MEMO1: variants seen among roughly 807,000 people sequenced by gnomAD.
MEMO1 encodes mediator of cell motility 1.
In MEMO1, 6 loss-of-function variants were observed where a neutral mutation model predicts 45.2. The ratio of observed to expected loss-of-function variants is 0.13; its 90% CI spans 0.07 to 0.26. The LOEUF (loss-of-function observed/expected upper bound fraction) is 0.26. Among genes scored for constraint, MEMO1 ranks in the 10% least tolerant of loss-of-function variants. The pLI is 1.00. For synonymous variants in MEMO1, 78 were observed against 124.3 expected (o/e 0.63, Z 2.48); for missense variants, 184 against 370.5 (o/e 0.50, Z 4.13).
chr2:32,004,284 T>A, intron 2 of MEMO1, among the ~76,000 whole-genome samples: 1 of 148,568 alleles, frequency 6.7e-6, no homozygotes, highest in Admixed American at 6.7e-5. Flanking sequence ...AACAAAGAAA[T>A]GTAGCCAGAA....
intron 2 of MEMO1, among the ~76,000 whole-genome samples, chr2:31,985,092 T>C (rs1273204033): frequency 6.6e-6 from 1 of 152,170 alleles, no homozygotes; most frequent in Non-Finnish European, 1.5e-5. Flanking sequence ...AAATCTGAGG[T>C]CATTTAAAGA....
chr2:31,932,587 T>G (rs910392628), intron 3 of MEMO1, among the ~76,000 whole-genome samples: 1 of 152,128 alleles, frequency 6.6e-6, no homozygotes, highest in Admixed American at 6.6e-5. Context: ...CATAGGCGCA[T>G]GCCACCATTA....
intron 2 of MEMO1, among the ~76,000 whole-genome samples, chr2:32,002,178 T>TACACAC (rs1376853287): frequency 4.7e-5 from 6 of 127,792 alleles, no homozygotes; most frequent in South Asian, 2.5e-4. Context: ...AATATATATA[T>TACACAC]ATATATATAC....
chr2:31,873,484 A>C (rs1351319173), intron 8 of MEMO1, among the ~76,000 whole-genome samples: 1 of 152,180 alleles, frequency 6.6e-6, no homozygotes, highest in Non-Finnish European at 1.5e-5. Flanking sequence ...AGGCAGTATT[A>C]ACTGACAAAG....
At chr2:31,961,512 C>T (rs1228502663) in intron 2 of MEMO1, among the ~76,000 whole-genome samples, 1 of 152,000 alleles carries the variant, frequency 6.6e-6, no homozygotes, top group Admixed American at 6.6e-5. Context: ...CCTATAATCC[C>T]AGCACTTTGG....
In MEMO1 at chr2:31,925,948, T is replaced by C. The variant is rs576889388; in HGVS notation, c.213-5038A>G. Among the ~76,000 whole-genome samples the C allele has an allele frequency of 5.3e-5, 8 of 152,312 alleles. No individual in the cohort carries two copies. The South Asian group carries it at 1.4e-3, about 28-fold the overall frequency. ...GGAAGTATGTTTCAGGAAAAAGCAG[T>C]TGTGTAGTTTTGAGTTGTAAGCTGA... On this transcript the variant is annotated intron_variant, in intron 4 of 9. Coordinates refer to ENST00000404530, the MANE Select transcript of MEMO1 (RefSeq NM_001301833.4).
chr2:31,897,517 A>G (rs34973007), intron 6 of MEMO1, among the ~76,000 whole-genome samples: 19,555 of 152,184 alleles, frequency 0.13, 1,390 homozygotes, highest in Middle Eastern at 0.21. Context: ...GATGGATTAC[A>G]TTTATCGATT....
At chr2:31,992,268 G>C (rs1162317033) in intron 2 of MEMO1, among the ~76,000 whole-genome samples, 1 of 152,140 alleles carries the variant, frequency 6.6e-6, no homozygotes, top group Non-Finnish European at 1.5e-5. Context: ...TTGAAGCACA[G>C]CCAGTTATTC....
intron 3 of MEMO1, among the ~76,000 whole-genome samples, chr2:31,938,068 A>G (rs780094204): frequency 6.6e-6 from 1 of 152,192 alleles, no homozygotes; most frequent in African/African-American, 2.4e-5. Context: ...ATTCAACCAC[A>G]GTACATTTCT....
At chr2:31,884,392 T>C (rs559881692) in intron 7 of MEMO1, among the ~76,000 whole-genome samples, 1 of 152,266 alleles carries the variant, frequency 6.6e-6, no homozygotes, top group Non-Finnish European at 1.5e-5. Flanking sequence ...CCAAAATGCA[T>C]TTCTAAAGGA....
At position 31,972,136 on chromosome 2, in the gene MEMO1, C is replaced by G. The variant is rs111581335; in HGVS notation, c.62-28753G>C. 7.4e-3 allele frequency among the ~76,000 whole-genome samples: 1,120 copies of G among 152,224 alleles called. 15 individuals carry two copies. Among genetic ancestry groups the G allele is most frequent in the African/African-American group, 0.026 (1,082 of 41,528 alleles). ...GTGAAATACCTTTTTTTATAATAATCTCTCAAATGTTTCTATAACTGATGT... is the reference window on the plus strand; with the variant it reads ...GTGAAATACCTTTTTTTATAATAATGTCTCAAATGTTTCTATAACTGATGT... On this transcript the variant is annotated intron_variant, in intron 2 of 9. Transcript: ENST00000404530.
At chr2:31,887,033 A>C (rs566492513) in intron 7 of MEMO1, among the ~76,000 whole-genome samples, 1 of 152,158 alleles carries the variant, frequency 6.6e-6, no homozygotes, top group African/African-American at 2.4e-5. Flanking sequence ...CAGAAACCTT[A>C]CTCTTTGAGG....
intron 2 of MEMO1, among the ~76,000 whole-genome samples, chr2:31,949,718 A>G (rs917977436): frequency 1.3e-5 from 2 of 151,946 alleles, no homozygotes; most frequent in South Asian, 2.1e-4. Flanking sequence ...AGCTACAGTC[A>G]GTAACTTAAT....
chr2:31,937,558 C>T (rs1435527492), intron 3 of MEMO1, among the ~76,000 whole-genome samples: 1 of 152,152 alleles, frequency 6.6e-6, no homozygotes, highest in Non-Finnish European at 1.5e-5. Context: ...AACTTGTCTT[C>T]TATATACACG....
intron 4 of MEMO1, 114 bp from the exon 5 acceptor site, chr2:31,921,024 A>T (rs1354305321): frequency 1.6e-5 from 11 of 667,308 alleles, no homozygotes; most frequent in Non-Finnish European, 2.8e-5. Flanking sequence ...CTTAATTACC[A>T]ACTGTTAATG....
At chr2:31,884,511 C>T (rs1340512669) in intron 7 of MEMO1, among the ~76,000 whole-genome samples, 3 of 152,066 alleles carry the variant, frequency 2.0e-5, no homozygotes, top group East Asian at 1.9e-4. Flanking sequence ...TGGAACTCTT[C>T]GGCTAGATAA....
chr2:32,009,404 C>A (rs1674519077), intron 2 of MEMO1, among the ~76,000 whole-genome samples: 1 of 152,066 alleles, frequency 6.6e-6, no homozygotes, highest in Non-Finnish European at 1.5e-5. Context: ...GTACTTCCAC[C>A]CCAGCCCCAA....
At position 31,968,959 on chromosome 2, in the gene MEMO1, AT is replaced by A. The variant is rs1321096194; in HGVS notation, c.62-25577del. Among the ~76,000 whole-genome samples the A allele has an allele frequency of 9.2e-5, 14 of 152,272 alleles. No homozygotes were observed. The East Asian group carries it at 2.7e-3, about 29-fold the overall frequency. On this transcript the variant is annotated intron_variant, in intron 2 of 9. Transcript: ENST00000404530. ...TAATTTTAAAGTAAAAGTTAAAAAAATGGTTGATAAACTAAGAAGTTTAAAA... is the reference window on the plus strand; with the variant it reads ...TAATTTTAAAGTAAAAGTTAAAAAAAGGTTGATAAACTAAGAAGTTTAAAA...
At chr2:31,913,376 C>T (rs1012779874) in intron 6 of MEMO1, among the ~76,000 whole-genome samples, 3 of 149,708 alleles carry the variant, frequency 2.0e-5, no homozygotes, top group Non-Finnish European at 4.4e-5. Context: ...TGGTCAAGAA[C>T]TGATTAAAGC....
Sources: allele counts gnomAD v4.1 joint callset (sites outside exome capture counted in the v4.1 genomes callset), GRCh38; gene constraint gnomAD v4.1.1; transcripts MANE v1.5; gene names NCBI Gene and HGNC (gene_info 2026-07-23, HGNC 2026-07-21).